The following PTPN13 variants were observed in gnomAD, a reference collection of about 807,000 sequenced individuals.
PTPN13 encodes tyrosine-protein phosphatase non-receptor type 13.
In PTPN13, 191 loss-of-function variants were observed where a neutral mutation model predicts 284.0. The observed-to-expected ratio is 0.67, with a 90% confidence interval of 0.60 to 0.76. The LOEUF is 0.76. PTPN13 is among the 30% of genes least tolerant of loss of function. The probability of loss-of-function intolerance (pLI) is 0.00; values close to 1 mark genes in which losing one functional copy is unlikely to be tolerated. For missense variants in PTPN13, 2,797 were observed against 2,939.9 expected (o/e 0.95, Z 1.12); for synonymous variants, 986 against 1,022.3 (o/e 0.96, Z 0.68).
chr4:86,647,441 TA>T (rs1404777995), intron 2 of PTPN13, among the ~76,000 whole-genome samples: 3 of 151,658 alleles, frequency 2.0e-5, no homozygotes, highest in Non-Finnish European at 1.5e-5. Context: ...TACTCACCTT[TA>T]AAAAATAATA....
intron 2 of PTPN13, among the ~76,000 whole-genome samples, chr4:86,668,752 C>A (rs973712298): frequency 6.7e-6 from 1 of 149,004 alleles, no homozygotes. Flanking sequence ...CCCACCACCA[C>A]GCCCAGCTAA....
intron 24 of PTPN13, 137 bp downstream of exon 24, chr4:86,763,327 A>G: frequency 1.3e-6 from 1 of 763,522 alleles, no homozygotes; most frequent in East Asian, 2.7e-5. Context: ...TCTAATTGCT[A>G]CTGCATTTGA....
rs139909541 is a variant in PTPN13 at position 86,758,410 on chromosome 4, T to C, written c.3313+61T>C. On this transcript the variant is annotated intron_variant, in intron 21 of 47. Coordinates refer to ENST00000411767, the MANE Select transcript of PTPN13 (RefSeq NM_080683.3). ...GTTGGGGATTCAGAGGAAAAGTCTATAGCATAGCATTGGCATTGCAGTGCC... is the reference window on the plus strand; with the variant it reads ...GTTGGGGATTCAGAGGAAAAGTCTACAGCATAGCATTGGCATTGCAGTGCC... 1,012 of 1,361,310 alleles carry C rather than the reference T, an allele frequency of 7.4e-4. 22 individuals carry two copies. In the East Asian group the frequency reaches 0.013, roughly 18 times the overall value. 84.3% of individuals were successfully genotyped at this position (1,361,310 alleles called of 1,614,324 possible).
chr4:86,703,437 G>GA (rs770620580), intron 7 of PTPN13, among the ~76,000 whole-genome samples: 7,764 of 136,348 alleles, frequency 0.057, 256 homozygotes, highest in African/African-American at 0.084. Flanking sequence ...TGTCCATTGT[G>GA]AAAAAAAAAA....
At chr4:86,675,454 T>C (rs145462549) in intron 3 of PTPN13, among the ~76,000 whole-genome samples, 93 of 152,290 alleles carry the variant, frequency 6.1e-4, no homozygotes, top group East Asian at 2.9e-3. Context: ...TTAATTACTT[T>C]CATGAGTTAA....
rs144539110 is a variant in PTPN13, at chr4:86,815,098, C to A, written c.*547C>A. ...AGTTATCTGTTTGTTACTGCATCATCTGTTTGTAATCATTATCTCACTTTG... is the reference window on the plus strand; with the variant it reads ...AGTTATCTGTTTGTTACTGCATCATATGTTTGTAATCATTATCTCACTTTG... On this transcript the variant is annotated 3_prime_UTR_variant, in exon 48 of 48. Coordinates refer to ENST00000411767, the MANE Select transcript of PTPN13 (RefSeq NM_080683.3). 6.5e-6 allele frequency: 1 copy of A among 152,674 alleles called. No individual in the cohort carries two copies. Among genetic ancestry groups the A allele is most frequent in the Non-Finnish European group, 1.5e-5 (1 of 68,080 alleles). The allele number at this position is 152,674 out of a possible 1,614,324, so 9.5% of individuals were successfully genotyped here. A position where few individuals can be genotyped will look rare whatever the true frequency, so the allele number is the denominator to read the frequency against.
intron 9 of PTPN13, among the ~76,000 whole-genome samples, chr4:86,721,733 C>T (rs1733683929): frequency 1.7e-5 from 2 of 119,386 alleles, no homozygotes; most frequent in African/African-American, 5.9e-5. Flanking sequence ...CCCCTTCCCC[C>T]TTCCCCCTTC....
intron 40 of PTPN13, among the ~76,000 whole-genome samples, chr4:86,794,827 G>A (rs1425542471): frequency 1.3e-5 from 2 of 152,152 alleles, no homozygotes; most frequent in South Asian, 2.1e-4. Flanking sequence ...AATAGTGCTG[G>A]GAAAACTGGC....
chr4:86,797,356 G>C (rs1743460135), intron 41 of PTPN13, among the ~76,000 whole-genome samples: 1 of 151,960 alleles, frequency 6.6e-6, no homozygotes, highest in Non-Finnish European at 1.5e-5. Context: ...GCTGGGTGTG[G>C]TGACACATGC....
chr4:86,688,479 A>G (rs112012009), intron 4 of PTPN13, among the ~76,000 whole-genome samples: 1 of 148,228 alleles, frequency 6.7e-6, no homozygotes, highest in South Asian at 2.1e-4. Context: ...GTTAACTAAT[A>G]AAAAAAAAAC....
At chr4:86,601,851 C>A (rs913743699) in intron 1 of PTPN13, among the ~76,000 whole-genome samples, 48 of 152,142 alleles carry the variant, frequency 3.2e-4, no homozygotes, top group African/African-American at 1.1e-3. Flanking sequence ...CATTTGTATA[C>A]CTAGTTCCCT....
At position 86,785,242 on chromosome 4, in the gene PTPN13, CAAG is replaced by C; in HGVS notation, c.6135_6137del (p.Glu2045del). 1 of 1,545,978 alleles carries C rather than the reference CAAG, an allele frequency of 6.5e-7. No individual in the cohort carries two copies. The highest frequency in any genetic ancestry group is 8.8e-7 in the Non-Finnish European group (1 of 1,130,778). ...TATTATTTTTCAAGAATCTTATATA[CAAG>C]AAGATGACATTTATGATGATTCCCA... On this transcript the variant is annotated inframe_deletion, in exon 39 of 48. Transcript: ENST00000411767.
At position 86,738,755 on chromosome 4, in the gene PTPN13, A is replaced by G. The variant is rs1324393121; in HGVS notation, c.2305-2879A>G. Among the ~76,000 whole-genome samples the G allele has an allele frequency of 5.9e-5, 9 of 152,102 alleles. No homozygotes were observed. In the East Asian group the frequency reaches 1.5e-3, roughly 26 times the overall value. On this transcript the variant is annotated intron_variant, in intron 15 of 47. Transcript: ENST00000411767. The stretch of plus-strand genomic sequence containing the variant: ...GAATTCAGTGGTGCGATCTTGGCTC[A>G]CTGCAGCCTCCACCTCCCAGGCTCA...
chr4:86,626,476 G>GT (rs1337815960), intron 1 of PTPN13, among the ~76,000 whole-genome samples: 2 of 151,852 alleles, frequency 1.3e-5, no homozygotes, highest in Non-Finnish European at 2.9e-5. Flanking sequence ...TTCTTTCTTA[G>GT]TTTTTTGTAA....
At chr4:86,643,144 C>G (rs1428537375) in intron 2 of PTPN13, among the ~76,000 whole-genome samples, 1 of 151,956 alleles carries the variant, frequency 6.6e-6, no homozygotes, top group Non-Finnish European at 1.5e-5. Flanking sequence ...GGTTCCCTGT[C>G]TAATAAATAA....
chr4:86,750,034 A>G (rs1737213115), intron 17 of PTPN13, among the ~76,000 whole-genome samples: 1 of 152,156 alleles, frequency 6.6e-6, no homozygotes, highest in Non-Finnish European at 1.5e-5. Context: ...TCAGGTGTGT[A>G]TTCACCATCT....
intron 9 of PTPN13, 113 bp downstream of exon 9, chr4:86,717,230 C>T (rs964814312): frequency 8.4e-6 from 6 of 710,252 alleles, no homozygotes; most frequent in Non-Finnish European, 1.4e-5. Flanking sequence ...GCTCTGTTGC[C>T]TAAGCTGGAG....
chr4:86,640,049 G>T (rs1344950565), intron 2 of PTPN13, among the ~76,000 whole-genome samples: 2 of 152,172 alleles, frequency 1.3e-5, no homozygotes, highest in Non-Finnish European at 2.9e-5. Context: ...GGAAGGTCTA[G>T]AGACAGGGGA....
At chr4:86,685,281 A>G (rs558408789) in intron 3 of PTPN13, among the ~76,000 whole-genome samples, 1 of 152,290 alleles carries the variant, frequency 6.6e-6, no homozygotes, top group South Asian at 2.1e-4. Context: ...GAAAATGCAA[A>G]TCAAAACTGC....
Sources: gnomAD v4.1 joint callset for allele counts (sites outside exome capture counted in the v4.1 genomes callset) on GRCh38, gnomAD v4.1.1 for gene constraint, MANE v1.5 for transcripts, NCBI Gene and HGNC (gene_info 2026-07-23, HGNC 2026-07-21) for gene names.